The following DGKG variants were observed in gnomAD, a reference collection of about 807,000 sequenced individuals.
The protein encoded by DGKG is DAG kinase gamma.
Under a neutral mutation model 105.3 loss-of-function variants are expected in DGKG, and 78 were observed. The observed-to-expected ratio is 0.74, with a 90% CI of 0.62 to 0.89. DGKG has a LOEUF of 0.89. DGKG is among the 40% of genes least tolerant of loss of function. The pLI is 0.00. For missense variants in DGKG, 958 were observed against 1,020.1 expected, an observed-to-expected ratio of 0.94 and a Z score of 0.83; for synonymous variants, 346 against 367.1, an observed-to-expected ratio of 0.94 and a Z score of 0.66.
At chr3:186,291,223 A>G (rs114299624) in intron 5 of DGKG, among the ~76,000 whole-genome samples, 217 of 151,758 alleles carry the variant, frequency 1.4e-3, no homozygotes, top group African/African-American at 4.4e-3. Context: ...AGGGAATCCT[A>G]CGCAACCCTT....
intron 1 of DGKG, among the ~76,000 whole-genome samples, chr3:186,360,109 G>A (rs1303977547): frequency 6.6e-6 from 1 of 152,122 alleles, no homozygotes; most frequent in East Asian, 1.9e-4. Flanking sequence ...CTCTGGGAGT[G>A]TCCGGGTTGG....
intron 22 of DGKG, among the ~76,000 whole-genome samples, chr3:186,171,849 C>T (rs1328968998): frequency 4.6e-5 from 7 of 151,900 alleles, no homozygotes; most frequent in African/African-American, 1.7e-4. Context: ...ATTCTCATCC[C>T]AGTTGCTTTT....
At chr3:186,241,561 A>G (rs534368358) in intron 20 of DGKG, among the ~76,000 whole-genome samples, 1 of 150,748 alleles carries the variant, frequency 6.6e-6, no homozygotes, top group African/African-American at 2.5e-5. Context: ...TCAAAAATAA[A>G]TAAATAAATA....
rs1185595192 is a variant in DGKG, at chr3:186,188,307, A to G, written c.1990T>C (p.Tyr664His). 1 of 1,614,128 alleles carries G rather than the reference A, an allele frequency of 6.2e-7. No individual in the cohort carries two copies. Among genetic ancestry groups the G allele is most frequent in the South Asian group, 1.1e-5 (1 of 91,080 alleles). ...TCTCCCCAGAGATTGGTGCCTCCGT[A>G]CATGCTGGGAATGTTGAGAATGGCA... ...GIAILNIPSM[Y>H]GGTNLWGENK... is the part of the protein sequence containing the mutation. The change falls in exon 22 of 25, where the codon TAC becomes CAC. Residue 664 changes from tyrosine (Y) to histidine (H), a missense_variant. Physicochemically the swap from Tyr to His is moderately conservative, Grantham distance 83 (BLOSUM62 2). Transcript: ENST00000265022.
At chr3:186,222,454 T>C (rs968896880) in intron 20 of DGKG, among the ~76,000 whole-genome samples, 2 of 152,226 alleles carry the variant, frequency 1.3e-5, no homozygotes, top group East Asian at 3.9e-4. Flanking sequence ...CATGTGACCT[T>C]GGGCAAATCA....
chr3:186,297,426 TC>T lies in DGKG; in HGVS notation c.367del (p.Asp123IlefsTer39). On this transcript the variant is annotated frameshift_variant, in exon 5 of 25. Coordinates refer to ENST00000265022, the MANE Select transcript of DGKG (RefSeq NM_001346.3). LOFTEE classifies it high-confidence loss of function. ...ATKADEACAPDTESNMAEKQA... is the reference protein window; with the variant it reads ...ATKADEACAPXTESNMAEKQA... ...CTTATATTCCAAAGACTTACCAGTA[TC>T]AGGGGCACAGGCCTCGTCTGCTTTG... 6.2e-7 allele frequency: 1 copy of T among 1,610,776 alleles called. No individual in the cohort carries two copies.
intron 21 of DGKG, among the ~76,000 whole-genome samples, chr3:186,199,231 G>A (rs942464909): frequency 6.6e-6 from 1 of 151,822 alleles, no homozygotes; most frequent in Non-Finnish European, 1.5e-5. Flanking sequence ...TTACAGGCAT[G>A]AGCCACCACG....
At chr3:186,291,123 G>A (rs1281437867) in intron 5 of DGKG, among the ~76,000 whole-genome samples, 5 of 152,166 alleles carry the variant, frequency 3.3e-5, no homozygotes, top group African/African-American at 7.2e-5. Flanking sequence ...CAAAGCTCAG[G>A]ACTTTGTAGG....
rs115780991 is a variant in DGKG, at chr3:186,185,686, A to G, written c.2095+2516T>C. Among the ~76,000 whole-genome samples the G allele has an allele frequency of 4.6e-3, 702 of 152,264 alleles. 5 individuals carry two copies. The highest frequency in any genetic ancestry group is 0.016 in the African/African-American group (673 of 41,550). On this transcript the variant is annotated intron_variant, in intron 22 of 24. Transcript: ENST00000265022. The stretch of plus-strand genomic sequence containing the variant: ...TTGCAGGAACTTGATACAACCTTCA[A>G]TGCTTCCCCTACCCTCTGTTAGCAC...
At chr3:186,301,424 G>A (rs972502351) in intron 3 of DGKG, among the ~76,000 whole-genome samples, 5 of 152,162 alleles carry the variant, frequency 3.3e-5, no homozygotes, top group African/African-American at 1.2e-4. Context: ...TCAGGAGATC[G>A]AGACCATCCT....
At chr3:186,228,076 T>C (rs755369368) in intron 20 of DGKG, among the ~76,000 whole-genome samples, 2 of 152,238 alleles carry the variant, frequency 1.3e-5, no homozygotes, top group Non-Finnish European at 2.9e-5. Flanking sequence ...GCCCTCTCCC[T>C]GAAGGCATCT....
chr3:186,336,323 T>A (rs1270279875), intron 1 of DGKG, among the ~76,000 whole-genome samples: 1 of 152,162 alleles, frequency 6.6e-6, no homozygotes, highest in African/African-American at 2.4e-5. Context: ...CCCAGGAAAT[T>A]TCATTGGCAG....
chr3:186,354,702 T>C (rs1298618663), intron 1 of DGKG, among the ~76,000 whole-genome samples: 13 of 152,208 alleles, frequency 8.5e-5, no homozygotes, highest in Non-Finnish European at 1.8e-4. Flanking sequence ...CACTGAAGCA[T>C]CAATGACTTA....
chr3:186,244,108 G>T (rs968462547), intron 19 of DGKG, among the ~76,000 whole-genome samples: 1 of 152,010 alleles, frequency 6.6e-6, no homozygotes, highest in East Asian at 1.9e-4. Context: ...TGTTGGCCAG[G>T]CTGGTCTCGA....
chr3:186,327,849 G>A (rs911963244), intron 1 of DGKG, among the ~76,000 whole-genome samples: 1 of 152,050 alleles, frequency 6.6e-6, no homozygotes, highest in African/African-American at 2.4e-5. Flanking sequence ...ATAGGACTCT[G>A]ACACTTATCT....
intron 20 of DGKG, among the ~76,000 whole-genome samples, chr3:186,235,308 G>T (rs899036872): frequency 2.0e-5 from 3 of 152,152 alleles, no homozygotes; most frequent in South Asian, 4.1e-4. Context: ...CTGAATCCCA[G>T]ATATTTAAGA....
intron 6 of DGKG, among the ~76,000 whole-genome samples, chr3:186,286,387 T>G (rs1723072114): frequency 1.3e-5 from 2 of 152,208 alleles, no homozygotes. Flanking sequence ...GGTCCTATTG[T>G]GCATGAACAA....
chr3:186,342,174 A>G lies in DGKG; in HGVS notation c.-249+19772T>C, dbSNP rs140177352. Among the ~76,000 whole-genome samples, 433 of 152,298 alleles carry G rather than the reference A, an allele frequency of 2.8e-3. 3 individuals carry two copies. The highest frequency in any genetic ancestry group is 9.7e-3 in the African/African-American group (402 of 41,566). On this transcript the variant is annotated intron_variant, in intron 1 of 24. Transcript: ENST00000265022. ...TAAAACTTAAAGTATAATAAAAAAA[A>G]ATACTAGAAACTACATTAATGGGCT... is the stretch of plus-strand genomic sequence containing the variant.
At chr3:186,228,009 T>C (rs1245295264) in intron 20 of DGKG, among the ~76,000 whole-genome samples, 2 of 152,202 alleles carry the variant, frequency 1.3e-5, no homozygotes, top group Non-Finnish European at 2.9e-5. Context: ...TTATTTTTTC[T>C]GGAGCTAAAA....
Sources: allele counts gnomAD v4.1 joint callset (sites outside exome capture counted in the v4.1 genomes callset), GRCh38; gene constraint gnomAD v4.1.1; transcripts MANE v1.5; gene names NCBI Gene and HGNC (gene_info 2026-07-23, HGNC 2026-07-21).